Variants in PABPC4 observed in about 807,000 individuals in gnomAD.
The protein encoded by PABPC4 is poly(A) binding protein cytoplasmic 4.
In PABPC4, 15 loss-of-function variants were observed where a neutral mutation model predicts 74.5. That is an observed-to-expected ratio of 0.20 (90% CI 0.13 to 0.31). The LOEUF is 0.31. Among genes scored for constraint, PABPC4 ranks in the 10% least tolerant of loss-of-function variants. The pLI is 1.00. For missense variants in PABPC4, 610 were observed against 853.5 expected, an observed-to-expected ratio of 0.71 and a Z score of 3.55; for synonymous variants, 345 against 303.0, an observed-to-expected ratio of 1.14 and a Z score of -1.44.
At chr1:39,569,803 CTT>C in intron 4 of PABPC4, 58 bp downstream of exon 4, 2 of 1,598,764 alleles carry the variant, frequency 1.3e-6, no homozygotes, top group Non-Finnish European at 1.7e-6. Context: ...GCCCTCATCT[CTT>C]AAGAAAAAAC....
rs554690066 is a variant in PABPC4, at chr1:39,565,109, T to G, written c.1242A>C (p.Pro414=). 3.8e-5 allele frequency: 62 copies of G among 1,613,552 alleles called. No homozygotes were observed. Among genetic ancestry groups the G allele is most frequent in the Non-Finnish European group, 5.0e-5 (59 of 1,179,994 alleles). Residue 414 remains proline (P), a synonymous_variant, in exon 8 of 16, where the codon CCA becomes CCC. Transcript: ENST00000372858. ...AAGGYFVPAV[P]QAQGRPPYYT... is the part of the protein sequence containing the mutation. ...TGTGACCAAACAGCACACCCACCTG[T>G]GGGACTGCTGGCACAAAGTAGCCAC...
At chr1:39,561,586 C>G (rs1354731032) in intron 15 of PABPC4, 99 bp downstream of exon 15, 11 of 777,740 alleles carry the variant, frequency 1.4e-5, no homozygotes, top group South Asian at 4.9e-5. Flanking sequence ...ATTCCCAGAG[C>G]TAAGCAGTGA....
chr1:39,566,835 T>C (rs948353477), intron 7 of PABPC4, among the ~76,000 whole-genome samples: 13 of 152,056 alleles, frequency 8.5e-5, no homozygotes, highest in Admixed American at 3.9e-4. Flanking sequence ...GGGGGGGTCA[T>C]AGCAAAAACG....
At chr1:39,565,547 G>C (rs1271104172) in intron 7 of PABPC4, among the ~76,000 whole-genome samples, 169 bp from the exon 8 acceptor site, 1 of 151,674 alleles carries the variant, frequency 6.6e-6, no homozygotes, top group Non-Finnish European at 1.5e-5. Flanking sequence ...AAAAAACAAA[G>C]GGCCAGGCGC....
At chr1:39,562,974 T>TACATA (rs1282359123) in intron 12 of PABPC4, 1 of 153,152 alleles carries the variant, frequency 6.5e-6, no homozygotes, top group Admixed American at 6.5e-5. Context: ...AAAGGTATTT[T>TACATA]ACATAGCATC....
intron 2 of PABPC4, among the ~76,000 whole-genome samples, chr1:39,571,862 G>T (rs1200235244): frequency 6.6e-6 from 1 of 152,226 alleles, no homozygotes; most frequent in Non-Finnish European, 1.5e-5. Flanking sequence ...GACAGACAGA[G>T]CAAGACTCTG....
At position 39,576,026 on chromosome 1, in the gene PABPC4, T is replaced by TGCGGAG; in HGVS notation, c.-76_-75insCTCCGC. The TGCGGAG allele has an allele frequency of 1.0e-6, 1 of 971,444 alleles. No individual in the cohort carries two copies. The highest frequency in any genetic ancestry group is 1.4e-6 in the Non-Finnish European group (1 of 708,484). 60.2% of individuals were successfully genotyped at this position (971,444 alleles called of 1,614,324 possible). On this transcript the variant is annotated 5_prime_UTR_variant, in exon 1 of 16. Coordinates refer to ENST00000372858, the MANE Select transcript of PABPC4 (RefSeq NM_001135653.2). Reference sequence around the variant, plus strand: ...GCCCGCCGCAGGACAAAGGGGCGCCTTCGGAGCCCGGGCCCGCGCCGCGGC... The same window carrying TGCGGAG: ...GCCCGCCGCAGGACAAAGGGGCGCCTGCGGAGTCGGAGCCCGGGCCCGCGCCGCGGC...
chr1:39,568,786 G>C lies in PABPC4; in HGVS notation c.876+16C>G. 1 of 1,609,404 alleles carries C rather than the reference G, an allele frequency of 6.2e-7. No homozygotes were observed. The highest frequency in any genetic ancestry group is 8.5e-7 in the Non-Finnish European group (1 of 1,178,098). ...ACAGCAAATCCCATTGCTAGGCTGG[G>C]CCAAGACCACCTTACCTGATATCGA... On this transcript the variant is annotated intron_variant, in intron 6 of 15. Transcript: ENST00000372858.
At chr1:39,573,381 A>C (rs920706189) in intron 1 of PABPC4, among the ~76,000 whole-genome samples, 1 of 152,208 alleles carries the variant, frequency 6.6e-6, no homozygotes, top group Non-Finnish European at 1.5e-5. Context: ...CCCTGCACCC[A>C]CCTTTTGAAG....
intron 15 of PABPC4, 198 bp downstream of exon 15, chr1:39,561,487 T>C (rs1004677268): frequency 5.2e-6 from 3 of 575,330 alleles, no homozygotes; most frequent in African/African-American, 1.9e-5. Context: ...AGTTTTATTA[T>C]TCACTCAAGC....
chr1:39,574,185 G>C lies in PABPC4; in HGVS notation c.193+1574C>G, dbSNP rs113729122. On this transcript the variant is annotated intron_variant, in intron 1 of 15. Transcript: ENST00000372858. ...CAGAAGGTGGGCCTCATCTGTGTGG[G>C]GGGTAGTTGGGAAAAGGGGAGATGA... Among the ~76,000 whole-genome samples the C allele has an allele frequency of 1.4e-4, 21 of 152,334 alleles. No homozygotes were observed. The South Asian group carries it at 2.3e-3, about 17-fold the overall frequency.
intron 3 of PABPC4, among the ~76,000 whole-genome samples, chr1:39,570,829 T>C (rs935940084): frequency 1.3e-5 from 2 of 152,238 alleles, no homozygotes. Flanking sequence ...GAGGGACCCA[T>C]GGACAGACCT....
intron 1 of PABPC4, among the ~76,000 whole-genome samples, chr1:39,574,892 C>A (rs757477176): frequency 6.6e-6 from 1 of 152,236 alleles, no homozygotes; most frequent in South Asian, 2.1e-4. Flanking sequence ...ATGCTCCACG[C>A]TAAGGCCACA....
At position 39,567,156 on chromosome 1, in the gene PABPC4, T is replaced by A. The variant is rs148952488; in HGVS notation, c.972+595A>T. Among the ~76,000 whole-genome samples, 413 of 152,312 alleles carry A rather than the reference T, an allele frequency of 2.7e-3. 1 individual carries two copies. The highest frequency in any genetic ancestry group is 9.7e-3 in the African/African-American group (402 of 41,562). The stretch of plus-strand genomic sequence containing the variant: ...GTACACCATCCCCATGTAGTCAGCA[T>A]TCTCTTGTTCAAGGACTAAAATTCC... On this transcript the variant is annotated intron_variant, in intron 7 of 15. Coordinates refer to ENST00000372858, the MANE Select transcript of PABPC4 (RefSeq NM_001135653.2).
In PABPC4 at chr1:39,564,754, T is replaced by C; in HGVS notation, c.1265A>G (p.Tyr422Cys). The change falls in exon 9 of 16, where the codon TAT becomes TGT. Residue 422 changes from tyrosine to cysteine, a missense_variant. Physicochemically the swap from Tyr to Cys is radical, Grantham distance 194 (BLOSUM62 -2). Coordinates refer to ENST00000372858, the MANE Select transcript of PABPC4 (RefSeq NM_001135653.2). ...CTGTGCTAACTGGTTAGGTGTATAA[T>C]ATGGAGGCCTTCCCTGAGCCTGTAA... ...AVPQAQGRPPYYTPNQLAQMR... is the reference protein window; with the variant it reads ...AVPQAQGRPPCYTPNQLAQMR... 6.2e-7 allele frequency: 1 copy of C among 1,613,930 alleles called. No individual in the cohort carries two copies. Among genetic ancestry groups the C allele is most frequent in the East Asian group, 2.2e-5 (1 of 44,880 alleles).
intron 8 of PABPC4, 106 bp from the exon 9 acceptor site, chr1:39,564,879 G>T: frequency 1.0e-6 from 1 of 985,818 alleles, no homozygotes. Context: ...TTATTTAAAT[G>T]TTCTTTCTAT....
intron 5 of PABPC4, 103 bp downstream of exon 5, chr1:39,569,492 A>C (rs1645904387): frequency 1.3e-6 from 1 of 792,604 alleles, no homozygotes; most frequent in South Asian, 1.4e-5. Context: ...ATCTACTACC[A>C]GATACTCAGA....
chr1:39,563,647 G>A lies in PABPC4; in HGVS notation c.1635C>T (p.Val545=). ...AVAPYKYASS[V]RSPHPAIQPL... ...GCTGTATGGCAGGATGAGGGCTGCG[G>A]ACACTGGAGGCGTATTTGTAGGGGG... is the stretch of plus-strand genomic sequence containing the variant. Residue 545 remains valine, a synonymous_variant, in exon 12 of 16, where the codon GTC becomes GTT. Transcript: ENST00000372858. The A allele has an allele frequency of 1.2e-6, 2 of 1,614,222 alleles. No homozygotes were observed. The highest frequency in any genetic ancestry group is 1.7e-6 in the Non-Finnish European group (2 of 1,180,028).
intron 1 of PABPC4, chr1:39,572,801 A>G (rs1645961210): frequency 2.1e-6 from 1 of 484,596 alleles, no homozygotes; most frequent in Non-Finnish European, 3.6e-6. Context: ...ACAGAAGTCT[A>G]AACACCCTTC....
Sources: allele counts gnomAD v4.1 joint callset (sites outside exome capture counted in the v4.1 genomes callset), GRCh38; gene constraint gnomAD v4.1.1; transcripts MANE v1.5; gene names NCBI Gene and HGNC (gene_info 2026-07-23, HGNC 2026-07-21).